Variants in LACTB2 observed in about 807,000 individuals in gnomAD.
LACTB2 encodes lactamase beta 2, also known as endoribonuclease LACTB2.
Under a neutral mutation model 34.8 loss-of-function variants are expected in LACTB2, and 32 were observed. The ratio of observed to expected loss-of-function variants is 0.92; its 90% CI spans 0.69 to 1.24. The LOEUF (loss-of-function observed/expected upper bound fraction) is 1.24. Among genes scored for constraint, LACTB2 ranks in the 50% most tolerant of loss-of-function variants. LACTB2 has a pLI of 0.00. For missense variants in LACTB2, 320 were observed against 345.0 expected (o/e 0.93, Z 0.57); for synonymous variants, 120 against 117.5 (o/e 1.02, Z -0.14).
chr8:70,638,554 T>C lies in LACTB2; in HGVS notation c.817A>G (p.Lys273Glu). ...AATTTGGAAGCATACTCACATATTT[T>C]TCCTTCTTTTTCTAGTTTTTTCAAA... ...LHLKKLEKEG[K>E]IFSNTDPDKK... Residue 273 changes from lysine (K) to glutamate (E), a missense_variant, in exon 6 of 7, where the codon AAA becomes GAA. Coordinates refer to ENST00000276590, the MANE Select transcript of LACTB2 (RefSeq NM_016027.3). 1 of 1,523,872 alleles carries C rather than the reference T, an allele frequency of 6.6e-7. No homozygotes were observed. The highest frequency in any genetic ancestry group is 8.8e-7 in the Non-Finnish European group (1 of 1,137,108). 94.4% of individuals were successfully genotyped at this position (1,523,872 alleles called of 1,614,324 possible).
At position 70,640,971 on chromosome 8, in the gene LACTB2, A is replaced by T. The variant is rs780263921; in HGVS notation, c.672T>A (p.Ile224=). 6.2e-7 allele frequency: 1 copy of T among 1,610,086 alleles called. No homozygotes were observed. Among genetic ancestry groups the T allele is most frequent in the Non-Finnish European group, 8.5e-7 (1 of 1,178,804 alleles). The change falls in exon 5 of 7, where the codon ATT becomes ATA. Residue 224 remains isoleucine (I), a synonymous_variant. Coordinates refer to ENST00000276590, the MANE Select transcript of LACTB2 (RefSeq NM_016027.3). The stretch of plus-strand genomic sequence containing the variant: ...CAAAGTTCTCACGAAATAATGTAAG[A>T]ATTTGCTGCTCTCGAATATTTCTGT... The part of the protein sequence containing the change: ...ISHRNIREQQ[I]LTLFRENFEK...
intron 4 of LACTB2, among the ~76,000 whole-genome samples, chr8:70,642,504 CTTTT>C (rs35951740): frequency 1.5e-5 from 2 of 130,324 alleles, no homozygotes; most frequent in Non-Finnish European, 1.6e-5. Context: ...TCTTTCTTAG[CTTTT>C]TTTTTTTTTT....
Position 70,644,210 on chromosome 8 carries a change from G to T in LACTB2, c.447C>A (p.His149Gln). 1.2e-6 allele frequency: 2 copies of T among 1,608,924 alleles called. No homozygotes were observed. The highest frequency in any genetic ancestry group is 1.7e-6 in the Non-Finnish European group (2 of 1,177,908). ...VLYTPGHTDD[H>Q]MALLLEEENA... Reference sequence around the variant, plus strand: ...TTTCCTCTTCTAAGAGTAGAGCCATGTGATCATCAGTGTGGCCAGGGGTAT... The same window carrying T: ...TTTCCTCTTCTAAGAGTAGAGCCATTTGATCATCAGTGTGGCCAGGGGTAT... The change falls in exon 4 of 7, where the codon CAC (histidine) becomes CAA (glutamine). Residue 149 changes from histidine (H) to glutamine (Q), a missense_variant. Physicochemically the swap from His to Gln is conservative, Grantham distance 24. Coordinates refer to ENST00000276590, the MANE Select transcript of LACTB2 (RefSeq NM_016027.3).
chr8:70,665,438 A>C (rs1236546030), intron 1 of LACTB2, among the ~76,000 whole-genome samples: 3 of 152,236 alleles, frequency 2.0e-5, no homozygotes, highest in Admixed American at 6.5e-5. Context: ...TAAGATAGCT[A>C]TTAACTGGTC....
intron 5 of LACTB2, 111 bp downstream of exon 5, chr8:70,640,791 A>C: frequency 8.2e-7 from 1 of 1,215,580 alleles, no homozygotes; most frequent in Admixed American, 3.8e-5. Flanking sequence ...CAAATCTAGA[A>C]AAGTGGCGTA....
chr8:70,660,093 A>C (rs1818462792), intron 2 of LACTB2: 1 of 152,202 alleles, frequency 6.6e-6, no homozygotes, highest in South Asian at 2.1e-4. Context: ...AAGCTAATTA[A>C]GAAATCACAG....
chr8:70,666,920 T>C (rs1360472573), intron 1 of LACTB2, among the ~76,000 whole-genome samples: 1 of 152,096 alleles, frequency 6.6e-6, no homozygotes, highest in Non-Finnish European at 1.5e-5. Flanking sequence ...GTCATGCAAA[T>C]AGATTTAAAA....
At chr8:70,648,462 T>C (rs757908797) in intron 3 of LACTB2, among the ~76,000 whole-genome samples, 1 of 152,060 alleles carries the variant, frequency 6.6e-6, no homozygotes, top group Admixed American at 6.6e-5. Context: ...AAAAAGTTTC[T>C]GAAAATTACA....
intron 2 of LACTB2, chr8:70,661,063 A>C (rs1194224206): frequency 2.2e-6 from 1 of 454,514 alleles, no homozygotes; most frequent in Admixed American, 2.4e-5. Flanking sequence ...TACAGGCATG[A>C]GCCACTGCAC....
intron 1 of LACTB2, among the ~76,000 whole-genome samples, chr8:70,668,178 T>C (rs563317821): frequency 6.6e-6 from 1 of 152,344 alleles, no homozygotes; most frequent in East Asian, 1.9e-4. Context: ...AAATCGTTTT[T>C]AGTAATCAAT....
intron 3 of LACTB2, among the ~76,000 whole-genome samples, chr8:70,656,856 T>G (rs13270201): frequency 0.038 from 5,757 of 152,244 alleles, 163 homozygotes; most frequent in Non-Finnish European, 0.061. Flanking sequence ...GACAAATATT[T>G]TTGATGTAAA....
intron 3 of LACTB2, among the ~76,000 whole-genome samples, chr8:70,650,717 C>CA (rs1818328343): frequency 9.9e-6 from 1 of 101,288 alleles, no homozygotes; most frequent in Non-Finnish European, 1.7e-5. Flanking sequence ...ACCTGGGCGA[C>CA]AGAGTGAGAC....
intron 2 of LACTB2, among the ~76,000 whole-genome samples, chr8:70,658,573 T>C (rs1358654708): frequency 6.6e-6 from 1 of 152,148 alleles, no homozygotes; most frequent in African/African-American, 2.4e-5. Flanking sequence ...TACCATTTAA[T>C]GAATATTAAA....
intron 1 of LACTB2, chr8:70,663,070 C>G (rs891047407): frequency 6.6e-6 from 1 of 152,120 alleles, no homozygotes; most frequent in African/African-American, 2.4e-5. Flanking sequence ...ACAGATTAGC[C>G]TTGATGAAAA....
intron 3 of LACTB2, among the ~76,000 whole-genome samples, chr8:70,656,100 T>C (rs1818408654): frequency 6.6e-6 from 1 of 152,222 alleles, no homozygotes; most frequent in Non-Finnish European, 1.5e-5. Context: ...GTCAGATGTA[T>C]AGATTATGAA....
At chr8:70,656,557 GGT>G (rs1818414127) in intron 3 of LACTB2, among the ~76,000 whole-genome samples, 1 of 151,974 alleles carries the variant, frequency 6.6e-6, no homozygotes, top group Non-Finnish European at 1.5e-5. Context: ...ATTTTATATT[GGT>G]ACCATGCTGT....
In LACTB2 at chr8:70,657,900, A is replaced by G; in HGVS notation, c.287-18T>C. ...GGTAGTGTCTAGTCATAAAACATATAAAATATATTAATTCACACTTTATAA... is the reference window on the plus strand; with the variant it reads ...GGTAGTGTCTAGTCATAAAACATATGAAATATATTAATTCACACTTTATAA... On this transcript the variant is annotated intron_variant, in intron 2 of 6. Transcript: ENST00000276590. The G allele has an allele frequency of 6.6e-7, 1 of 1,526,684 alleles. No individual in the cohort carries two copies. The highest frequency in any genetic ancestry group is 1.4e-5 in the African/African-American group (1 of 71,854). 94.6% of individuals were successfully genotyped at this position (1,526,684 alleles called of 1,614,324 possible). A position where few individuals can be genotyped will look rare whatever the true frequency, so the allele number is the denominator to read the frequency against.
rs529936636 is a variant in LACTB2 at position 70,663,868 on chromosome 8, C to A, written c.123-1971G>T. Among the ~76,000 whole-genome samples, 48 of 152,184 alleles carry A rather than the reference C, an allele frequency of 3.2e-4. No individual in the cohort carries two copies. The South Asian group carries it at 6.0e-3, about 19-fold the overall frequency. ...TTATTGCCTATTTCCACAACCAACA[C>A]CACCGTACAAATTTGAGTCCCTTCA... On this transcript the variant is annotated intron_variant, in intron 1 of 6. Coordinates refer to ENST00000276590, the MANE Select transcript of LACTB2 (RefSeq NM_016027.3).
chr8:70,644,774 C>T (rs942872271), intron 3 of LACTB2, among the ~76,000 whole-genome samples: 7 of 152,216 alleles, frequency 4.6e-5, no homozygotes, highest in Non-Finnish European at 1.0e-4. Context: ...GCCACCTCAT[C>T]TGGCCTCCTA....
Sources: allele counts gnomAD v4.1 joint callset (sites outside exome capture counted in the v4.1 genomes callset), GRCh38; gene constraint gnomAD v4.1.1; transcripts MANE v1.5; gene names NCBI Gene and HGNC (gene_info 2026-07-23, HGNC 2026-07-21).